The following DTWD1 variants were observed in gnomAD, a reference collection of about 807,000 sequenced individuals.
DTWD1 encodes the protein DTW motif tRNA-uridine aminocarboxypropyltransferase 1, also known as tRNA-uridine aminocarboxypropyltransferase 1.
DTWD1 carries 27 observed loss-of-function variants against 30.2 expected under a neutral mutation model. The ratio of observed to expected loss-of-function variants is 0.90; its 90% CI spans 0.66 to 1.23. The LOEUF is 1.23. DTWD1 is among the 50% of genes most tolerant of loss of function. The probability of loss-of-function intolerance (pLI) is 0.00; values close to 1 mark genes in which losing one functional copy is unlikely to be tolerated. For missense variants in DTWD1, 342 were observed against 348.8 expected, an observed-to-expected ratio of 0.98 and a Z score of 0.15; for synonymous variants, 99 against 113.1, an observed-to-expected ratio of 0.88 and a Z score of 0.79.
chr15:49,625,065 A>G (rs1316386708), intron 1 of DTWD1, 48 bp from the exon 2 acceptor site: 2 of 1,169,960 alleles, frequency 1.7e-6, no homozygotes, highest in Non-Finnish European at 2.4e-6. Flanking sequence ...ACTGAGTAAA[A>G]TGTTTTCTGT....
chr15:49,633,634 C>CA, intron 3 of DTWD1: 2 of 271,858 alleles, frequency 7.4e-6, no homozygotes, highest in South Asian at 6.3e-5. Flanking sequence ...TGTGCCCGGC[C>CA]AAGATTTTTT....
chr15:49,639,405 TAA>T (rs1355957598), intron 4 of DTWD1, among the ~76,000 whole-genome samples: 3 of 151,918 alleles, frequency 2.0e-5, no homozygotes, highest in Non-Finnish European at 4.4e-5. Context: ...CAACAAAAAA[TAA>T]AGTAATTAGC....
At chr15:49,635,244 A>G (rs1182079974) in intron 4 of DTWD1, among the ~76,000 whole-genome samples, 13 of 152,130 alleles carry the variant, frequency 8.5e-5, no homozygotes, top group Non-Finnish European at 1.6e-4. Flanking sequence ...CATGTTGGCC[A>G]GGCTGGTCTC....
chr15:49,629,289 G>A (rs1023850285), intron 2 of DTWD1, among the ~76,000 whole-genome samples: 1 of 152,046 alleles, frequency 6.6e-6, no homozygotes, highest in African/African-American at 2.4e-5. Flanking sequence ...ATTGTGTACA[G>A]GTTTTGCATA....
chr15:49,641,561 T>A (rs781282127), intron 4 of DTWD1, among the ~76,000 whole-genome samples: 10 of 152,148 alleles, frequency 6.6e-5, no homozygotes, highest in Non-Finnish European at 1.3e-4. Flanking sequence ...GTTTACCATT[T>A]TCTTTACTCA....
rs2079133193 is a variant in DTWD1, at chr15:49,648,357, A to T, written c.*4779A>T. 1 of 152,238 alleles carries T rather than the reference A, an allele frequency of 6.6e-6. No homozygotes were observed. The highest frequency in any genetic ancestry group is 1.5e-5 in the Non-Finnish European group (1 of 68,082). 9.4% of individuals were successfully genotyped at this position (152,238 alleles called of 1,614,324 possible). On this transcript the variant is annotated 3_prime_UTR_variant, in exon 5 of 5. Transcript: ENST00000403028. ...ACTCTTGTCTCCCAGGCTGCAGTGC[A>T]GTGGTGCGATCTCAGCTCACTACAA...
chr15:49,633,043 C>CTATCTATATATATACATATA (rs1555588572), intron 3 of DTWD1, among the ~76,000 whole-genome samples: 1 of 129,492 alleles, frequency 7.7e-6, no homozygotes, highest in Non-Finnish European at 1.6e-5. Flanking sequence ...CTATTTATAT[C>CTATCTATATATATACATATA]TATATCTATA....
Position 49,651,378 on chromosome 15 carries a change from A to G in DTWD1, c.*7800A>G, listed in dbSNP as rs530628372. 3.9e-4 allele frequency: 60 copies of G among 152,214 alleles called. No individual in the cohort carries two copies. The highest frequency in any genetic ancestry group is 1.4e-3 in the African/African-American group (60 of 41,492). The allele number at this position is 152,214 out of a possible 1,614,324, so 9.4% of individuals were successfully genotyped here. ...GAGTCTCTAAACAATAAAGCAAACTAAACACATTGCCTAGTTGACGTCATC... is the reference window on the plus strand; with the variant it reads ...GAGTCTCTAAACAATAAAGCAAACTGAACACATTGCCTAGTTGACGTCATC... On this transcript the variant is annotated 3_prime_UTR_variant, in exon 5 of 5. Coordinates refer to ENST00000403028, the MANE Select transcript of DTWD1 (RefSeq NM_001144955.2).
At position 49,652,077 on chromosome 15, in the gene DTWD1, G is replaced by A. The variant is rs2153354971; in HGVS notation, c.*8499G>A. 6.6e-6 allele frequency: 1 copy of A among 152,140 alleles called. No individual in the cohort carries two copies. Among genetic ancestry groups the A allele is most frequent in the East Asian group, 1.9e-4 (1 of 5,136 alleles). 9.4% of individuals were successfully genotyped at this position (152,140 alleles called of 1,614,324 possible). On this transcript the variant is annotated 3_prime_UTR_variant, in exon 5 of 5. Coordinates refer to ENST00000403028, the MANE Select transcript of DTWD1 (RefSeq NM_001144955.2). The stretch of plus-strand genomic sequence containing the variant: ...TCTTGGAACCCATTTATTCCTAGGG[G>A]TAGATGCAAAGAGAGTAGAAGAAGA...
chr15:49,626,384 T>A (rs2078844818), intron 2 of DTWD1, among the ~76,000 whole-genome samples: 1 of 152,106 alleles, frequency 6.6e-6, no homozygotes, highest in Admixed American at 6.5e-5. Context: ...GTGTTATCAT[T>A]AGAGTGATTT....
chr15:49,634,856 A>T, intron 4 of DTWD1, 62 bp downstream of exon 4: 3 of 1,459,896 alleles, frequency 2.1e-6, no homozygotes, highest in Non-Finnish European at 2.7e-6. Flanking sequence ...AAAACTTCAA[A>T]CTTACAGATA....
In DTWD1 at chr15:49,646,777, C is replaced by G. The variant is rs1341392257; in HGVS notation, c.*3199C>G. On this transcript the variant is annotated 3_prime_UTR_variant, in exon 5 of 5. Coordinates refer to ENST00000403028, the MANE Select transcript of DTWD1 (RefSeq NM_001144955.2). ...TCATGAAACAGCAGCAAGTGCTACA[C>G]AGTAATTTATCAGTTTGCATTTGCC... 1 of 152,166 alleles carries G rather than the reference C, an allele frequency of 6.6e-6. No individual in the cohort carries two copies. The highest frequency in any genetic ancestry group is 1.5e-5 in the Non-Finnish European group (1 of 68,054). The allele number at this position is 152,166 out of a possible 1,614,324, so 9.4% of individuals were successfully genotyped here. A position where few individuals can be genotyped will look rare whatever the true frequency, so the allele number is the denominator to read the frequency against.
rs961851988 is a variant in DTWD1, at chr15:49,626,284, G to A, written c.264+853G>A. ...AGTTGATTTTCACCTAAGATTTTGT[G>A]ACTTATCCTATACATGGGGATGGAG... On this transcript the variant is annotated intron_variant, in intron 2 of 4. Transcript: ENST00000403028. Among the ~76,000 whole-genome samples, 15 of 152,130 alleles carry A rather than the reference G, an allele frequency of 9.9e-5. No individual in the cohort carries two copies. The East Asian group carries it at 2.9e-3, about 29-fold the overall frequency.
At chr15:49,631,978 A>T (rs1276995228) in intron 2 of DTWD1, 181 bp from the exon 3 acceptor site, 4 of 654,624 alleles carry the variant, frequency 6.1e-6, no homozygotes, top group Admixed American at 2.5e-5. Context: ...AATGCCAAGG[A>T]AGAAATTTGG....
rs888385635 is a variant in DTWD1, at chr15:49,656,127, G to A, written c.*12549G>A. 1 of 152,008 alleles carries A rather than the reference G, an allele frequency of 6.6e-6. No homozygotes were observed. The highest frequency in any genetic ancestry group is 1.5e-5 in the Non-Finnish European group (1 of 67,946). 9.4% of individuals were successfully genotyped at this position (152,008 alleles called of 1,614,324 possible). ...TTCTGGTTTTACTTTTAAAAGTGAA[G>A]GCTAACTGTTAGCTCAAGAAATACT... On this transcript the variant is annotated 3_prime_UTR_variant, in exon 5 of 5. Coordinates refer to ENST00000403028, the MANE Select transcript of DTWD1 (RefSeq NM_001144955.2).
chr15:49,643,859 A>T lies in DTWD1; in HGVS notation c.*281A>T, dbSNP rs2079095682. 4.3e-6 allele frequency: 1 copy of T among 231,546 alleles called. No individual in the cohort carries two copies. The highest frequency in any genetic ancestry group is 8.3e-6 in the Non-Finnish European group (1 of 120,728). 14.3% of individuals were successfully genotyped at this position (231,546 alleles called of 1,614,324 possible). On this transcript the variant is annotated 3_prime_UTR_variant, in exon 5 of 5. Transcript: ENST00000403028. ...TATAGTGTGTTATGTCTCTGTGATTAGATATAACATATTCCATTAGATCTA... is the reference window on the plus strand; with the variant it reads ...TATAGTGTGTTATGTCTCTGTGATTTGATATAACATATTCCATTAGATCTA...
At chr15:49,639,227 T>C (rs1177715410) in intron 4 of DTWD1, among the ~76,000 whole-genome samples, 1 of 152,166 alleles carries the variant, frequency 6.6e-6, no homozygotes, top group Non-Finnish European at 1.5e-5. Flanking sequence ...GGAAAAGCCA[T>C]TTGTAATTAT....
rs1024328082 is a variant in DTWD1, at chr15:49,654,451, T to G, written c.*10873T>G. On this transcript the variant is annotated 3_prime_UTR_variant, in exon 5 of 5. Coordinates refer to ENST00000403028, the MANE Select transcript of DTWD1 (RefSeq NM_001144955.2). ...CCAATAAAATGTGGTAAAAGTAAGG[T>G]CTGGCAGTTTTCACTTTCACTCTCC... 6.6e-6 allele frequency: 1 copy of G among 152,034 alleles called. No homozygotes were observed. The highest frequency in any genetic ancestry group is 2.4e-5 in the African/African-American group (1 of 41,422). The allele number at this position is 152,034 out of a possible 1,614,324, so 9.4% of individuals were successfully genotyped here.
rs1330343435 is a variant in DTWD1 at position 49,627,943 on chromosome 15, CTT to C, written c.264+2517_264+2518del. On this transcript the variant is annotated intron_variant, in intron 2 of 4. Coordinates refer to ENST00000403028, the MANE Select transcript of DTWD1 (RefSeq NM_001144955.2). ...TCAATAATAAATTAGCTTACTGTGACTTTTTTACTTTATAAACTTTTTAAAAA... is the reference window on the plus strand; with the variant it reads ...TCAATAATAAATTAGCTTACTGTGACTTTTACTTTATAAACTTTTTAAAAA... Among the ~76,000 whole-genome samples the C allele has an allele frequency of 3.3e-5, 5 of 152,234 alleles. No individual in the cohort carries two copies. The South Asian group carries it at 1.0e-3, about 32-fold the overall frequency.
Sources: gnomAD v4.1 joint callset for allele counts (sites outside exome capture counted in the v4.1 genomes callset) on GRCh38, gnomAD v4.1.1 for gene constraint, MANE v1.5 for transcripts, NCBI Gene and HGNC (gene_info 2026-07-23, HGNC 2026-07-21) for gene names.